Variants in LVRN observed in about 807,000 individuals in gnomAD.
LVRN encodes the protein laeverin.
Under a neutral mutation model 111.4 loss-of-function variants are expected in LVRN, and 99 were observed. That is an observed-to-expected ratio of 0.89 (90% CI 0.76 to 1.05). LVRN has a LOEUF of 1.05. Ranked by LOEUF, LVRN falls within the 50% of genes least tolerant of loss-of-function variation. The pLI is 0.00. For missense variants in LVRN, 1,414 were observed against 1,206.8 expected (o/e 1.17, Z -2.54); for synonymous variants, 488 against 449.5 (o/e 1.09, Z -1.08).
chr5:115,992,324 G>T, intron 5 of LVRN, 47 bp downstream of exon 5: 1 of 1,604,632 alleles, frequency 6.2e-7, no homozygotes, highest in Non-Finnish European at 8.5e-7. Context: ...TTATTCTCCA[G>T]GTGCGCTACC....
intron 3 of LVRN, among the ~76,000 whole-genome samples, chr5:115,987,223 G>GA (rs1274816148): frequency 1.3e-5 from 2 of 152,038 alleles, no homozygotes; most frequent in African/African-American, 4.8e-5. Context: ...TTTGGCAATA[G>GA]AAAAACAAGA....
At chr5:115,977,943 TAGAA>T (rs1384330722) in intron 1 of LVRN, among the ~76,000 whole-genome samples, 1 of 152,114 alleles carries the variant, frequency 6.6e-6, no homozygotes, top group African/African-American at 2.4e-5. Context: ...GAAATGAAAA[TAGAA>T]AGATCAAGAT....
chr5:116,011,867 T>TA (rs1285883689), intron 14 of LVRN, among the ~76,000 whole-genome samples: 5 of 152,204 alleles, frequency 3.3e-5, no homozygotes, highest in African/African-American at 1.2e-4. Flanking sequence ...CTTTTATAAT[T>TA]TTATATTTAC....
chr5:116,019,149 ACAGCAT>A (rs1261785811), intron 18 of LVRN, among the ~76,000 whole-genome samples: 6 of 152,238 alleles, frequency 3.9e-5, no homozygotes, highest in Non-Finnish European at 7.3e-5. Flanking sequence ...ACAAACCTGT[ACAGCAT>A]GCTACTGAAT....
intron 1 of LVRN, among the ~76,000 whole-genome samples, chr5:115,968,588 A>G (rs138857486): frequency 3.9e-5 from 6 of 152,076 alleles, no homozygotes; most frequent in African/African-American, 1.2e-4. Flanking sequence ...ACAGTTGCCC[A>G]TCTGGTCCCC....
At chr5:116,002,458 A>G (rs750951025) in intron 10 of LVRN, among the ~76,000 whole-genome samples, 1 of 152,240 alleles carries the variant, frequency 6.6e-6, no homozygotes, top group Non-Finnish European at 1.5e-5. Context: ...CTTCTAAACT[A>G]CTTTTCACCT....
intron 13 of LVRN, among the ~76,000 whole-genome samples, chr5:116,006,831 T>C (rs1387261930): frequency 1.3e-5 from 2 of 152,222 alleles, no homozygotes; most frequent in African/African-American, 2.4e-5. Flanking sequence ...TCTTTCCCCC[T>C]GTCTTAGGTT....
At chr5:115,983,198 C>A (rs888629812) in intron 1 of LVRN, 89 bp from the exon 2 acceptor site, 1 of 1,395,452 alleles carries the variant, frequency 7.2e-7, no homozygotes, top group African/African-American at 1.5e-5. Context: ...ACACACCAGG[C>A]TAACTTACAA....
At chr5:116,015,458 G>A (rs745507990) in intron 17 of LVRN, 39 bp downstream of exon 17, 10 of 1,496,638 alleles carry the variant, frequency 6.7e-6, no homozygotes, top group Admixed American at 2.4e-5. Flanking sequence ...TTCTGTTATA[G>A]GAATTAAATT....
At chr5:115,973,564 A>G (rs1753373186) in intron 1 of LVRN, among the ~76,000 whole-genome samples, 1 of 152,142 alleles carries the variant, frequency 6.6e-6, no homozygotes, top group South Asian at 2.1e-4. Flanking sequence ...GTTTTTAACT[A>G]TGACTTAAAT....
intron 3 of LVRN, among the ~76,000 whole-genome samples, chr5:115,985,980 G>T (rs1474585401): frequency 6.6e-6 from 1 of 152,140 alleles, no homozygotes; most frequent in East Asian, 1.9e-4. Flanking sequence ...GGAAGCTGTG[G>T]GTGAGCCAAG....
At chr5:115,966,006 A>G (rs1753193651) in intron 1 of LVRN, among the ~76,000 whole-genome samples, 1 of 152,214 alleles carries the variant, frequency 6.6e-6, no homozygotes, top group African/African-American at 2.4e-5. Flanking sequence ...AGTTGCAAAG[A>G]TAATATAGAG....
At chr5:115,974,953 A>T (rs748994068) in intron 1 of LVRN, 1 of 439,938 alleles carries the variant, frequency 2.3e-6, no homozygotes, top group Non-Finnish European at 4.5e-6. Flanking sequence ...AATGATCTGC[A>T]ACTGCCTTTT....
intron 19 of LVRN, 109 bp downstream of exon 19, chr5:116,022,575 C>A: frequency 2.7e-6 from 2 of 754,144 alleles, no homozygotes; most frequent in Non-Finnish European, 2.3e-6. Context: ...TTATTACATT[C>A]TATGCTTCTA....
Position 115,989,062 on chromosome 5 carries a change from C to G in LVRN, c.1105+1123C>G, listed in dbSNP as rs558854329. ...CCTAGTTCTCCCTAGTTTTCATCAT[C>G]ATCTCCACCACAGCTGTACTCTCAT... On this transcript the variant is annotated intron_variant, in intron 4 of 19. Transcript: ENST00000357872. 3.9e-5 allele frequency among the ~76,000 whole-genome samples: 6 copies of G among 152,238 alleles called. No individual in the cohort carries two copies. In the South Asian group the frequency reaches 1.2e-3, roughly 32 times the overall value.
chr5:116,018,887 C>A (rs1220403916), intron 18 of LVRN, among the ~76,000 whole-genome samples: 1 of 151,954 alleles, frequency 6.6e-6, no homozygotes, highest in Non-Finnish European at 1.5e-5. Flanking sequence ...AAGTTCACAG[C>A]AAAATTAAGC....
intron 4 of LVRN, among the ~76,000 whole-genome samples, chr5:115,989,681 C>T (rs1747941856): frequency 6.6e-6 from 1 of 152,146 alleles, no homozygotes. Flanking sequence ...CACGTAAATT[C>T]TGACCAGATT....
chr5:115,999,168 A>G (rs115396440), intron 6 of LVRN, among the ~76,000 whole-genome samples: 176 of 152,290 alleles, frequency 1.2e-3, no homozygotes, highest in African/African-American at 3.9e-3. Context: ...TCAGGGAGAA[A>G]TTGCCCTTAT....
At position 116,005,747 on chromosome 5, in the gene LVRN, A is replaced by G. The variant is rs758439964; in HGVS notation, c.2038-165A>G. Reference sequence around the variant, plus strand: ...TTTCAAAAACATATGTATGATAAATAAATTATGGGGACTGTCCTCAGTAAT... The same window carrying G: ...TTTCAAAAACATATGTATGATAAATGAATTATGGGGACTGTCCTCAGTAAT... On this transcript the variant is annotated intron_variant, in intron 12 of 19. Transcript: ENST00000357872. 11 of 688,788 alleles carry G rather than the reference A, an allele frequency of 1.6e-5. No homozygotes were observed. The Admixed American group carries it at 2.2e-4, about 14-fold the overall frequency. The allele number at this position is 688,788 out of a possible 1,614,324, so 42.7% of individuals were successfully genotyped here.
Sources: gnomAD v4.1 joint callset for allele counts (sites outside exome capture counted in the v4.1 genomes callset) on GRCh38, gnomAD v4.1.1 for gene constraint, MANE v1.5 for transcripts, NCBI Gene and HGNC (gene_info 2026-07-23, HGNC 2026-07-21) for gene names.